UHRF2: variants seen among roughly 807,000 people sequenced by gnomAD.
UHRF2 encodes ubiquitin like with PHD and ring finger domains 2.
Under a neutral mutation model 96.8 loss-of-function variants are expected in UHRF2, and 23 were observed. The observed-to-expected ratio is 0.24, with a 90% confidence interval of 0.17 to 0.34. The LOEUF is 0.34. UHRF2 is among the 10% of genes least tolerant of loss of function. The pLI is 1.00. For missense variants in UHRF2, 685 were observed against 981.5 expected, an observed-to-expected ratio of 0.70 and a Z score of 4.04; for synonymous variants, 385 against 332.6, an observed-to-expected ratio of 1.16 and a Z score of -1.72.
At chr9:6,435,819 C>A (rs4742204) in intron 3 of UHRF2, among the ~76,000 whole-genome samples, 1 of 151,808 alleles carries the variant, frequency 6.6e-6, no homozygotes, top group Admixed American at 6.6e-5. Flanking sequence ...ATGTTGGCCA[C>A]GGTGGTCTCG....
In UHRF2 at chr9:6,466,899, T is replaced by G. The variant is rs191242447; in HGVS notation, c.863+6108T>G. 1.2e-3 allele frequency among the ~76,000 whole-genome samples: 184 copies of G among 152,354 alleles called. 1 individual carries two copies. The highest frequency in any genetic ancestry group is 3.8e-4 in the Non-Finnish European group (26 of 68,032). ...TCAAAAGTATCTTCAGAGTTACCTT[T>G]CTTAATCACCCTTTTTAAAATCACA... On this transcript the variant is annotated intron_variant, in intron 4 of 15. Coordinates refer to ENST00000276893, the MANE Select transcript of UHRF2 (RefSeq NM_152896.3).
At chr9:6,496,394 C>T (rs1172754993) in intron 10 of UHRF2, 1 of 152,130 alleles carries the variant, frequency 6.6e-6, no homozygotes, top group Non-Finnish European at 1.5e-5. Flanking sequence ...GATTTTGGTA[C>T]AACTAGGTTC....
intron 3 of UHRF2, among the ~76,000 whole-genome samples, chr9:6,447,900 T>A (rs1195513102): frequency 6.6e-6 from 1 of 152,198 alleles, no homozygotes; most frequent in Non-Finnish European, 1.5e-5. Flanking sequence ...CACTAGGTAG[T>A]TTGGAGGAAG....
At chr9:6,476,996 C>A (rs1379445922) in intron 5 of UHRF2, among the ~76,000 whole-genome samples, 1 of 152,058 alleles carries the variant, frequency 6.6e-6, no homozygotes, top group East Asian at 1.9e-4. Flanking sequence ...TTTGGGAGGC[C>A]AAGGTTGGTG....
intron 3 of UHRF2, among the ~76,000 whole-genome samples, chr9:6,460,072 C>G (rs1443849435): frequency 6.6e-6 from 1 of 152,172 alleles, no homozygotes; most frequent in Non-Finnish European, 1.5e-5. Flanking sequence ...CAATGAACGT[C>G]TTAATAAGAC....
At chr9:6,472,156 G>A (rs1269963957) in intron 4 of UHRF2, among the ~76,000 whole-genome samples, 1 of 152,072 alleles carries the variant, frequency 6.6e-6, no homozygotes, top group Non-Finnish European at 1.5e-5. Flanking sequence ...CTGTAGCATT[G>A]GTCCCAGACC....
intron 2 of UHRF2, among the ~76,000 whole-genome samples, chr9:6,432,232 C>T (rs1820598149): frequency 6.6e-6 from 1 of 152,100 alleles, no homozygotes; most frequent in South Asian, 2.1e-4. Flanking sequence ...AACTTTATGT[C>T]TTTCAAGCTA....
chr9:6,441,669 A>T (rs917517714), intron 3 of UHRF2, among the ~76,000 whole-genome samples: 4 of 151,854 alleles, frequency 2.6e-5, no homozygotes, highest in African/African-American at 9.7e-5. Flanking sequence ...ACCAAAGATG[A>T]TATGCAATAC....
At chr9:6,472,384 AG>A (rs562989407) in intron 4 of UHRF2, among the ~76,000 whole-genome samples, 56 of 152,384 alleles carry the variant, frequency 3.7e-4, no homozygotes, top group African/African-American at 1.1e-3. Flanking sequence ...CATGCTTACA[AG>A]GAAAACATTC....
chr9:6,486,519 A>G (rs1312070916), intron 8 of UHRF2, among the ~76,000 whole-genome samples: 1 of 152,248 alleles, frequency 6.6e-6, no homozygotes, highest in Non-Finnish European at 1.5e-5. Context: ...TCCAATAGAC[A>G]TAAGATGATT....
At position 6,421,110 on chromosome 9, in the gene UHRF2, C is replaced by G. The variant is rs745801510; in HGVS notation, c.352C>G (p.Arg118Gly). 16 of 1,613,798 alleles carry G rather than the reference C, an allele frequency of 9.9e-6. No homozygotes were observed. In the Middle Eastern group the frequency reaches 4.9e-4, roughly 50 times the overall value. The change falls in exon 2 of 16, where the codon CGT (arginine) becomes GGT (glycine). Residue 118 changes from arginine (R) to glycine (G), a missense_variant. Physicochemically the swap from Arg to Gly is moderately radical, Grantham distance 125 (BLOSUM62 -2). Around this residue, in one of 6 missense-constraint regions of UHRF2, gnomAD observed 391 missense variants for 437.0 expected, o/e 0.89. Coordinates refer to ENST00000276893, the MANE Select transcript of UHRF2 (RefSeq NM_152896.3). ...SNQPSTSARARLIDPGFGIYK... is the reference protein window; with the variant it reads ...SNQPSTSARAGLIDPGFGIYK... ...TCAGCCATCTACATCAGCTCGTGCC[C>G]GTCTTATTGATCCTGGCTTTGGAAT... is the stretch of plus-strand genomic sequence containing the variant.
chr9:6,451,178 C>T (rs746572255), intron 3 of UHRF2, among the ~76,000 whole-genome samples: 18 of 151,772 alleles, frequency 1.2e-4, no homozygotes, highest in East Asian at 1.9e-4. Flanking sequence ...TGAAAAGTTA[C>T]GTGTTTTTTT....
chr9:6,481,908 G>C, intron 7 of UHRF2, 84 bp from the exon 8 acceptor site: 1 of 1,549,028 alleles, frequency 6.5e-7, no homozygotes, highest in East Asian at 2.3e-5. Flanking sequence ...TAAACAGTTG[G>C]GTTCCTAGTC....
intron 3 of UHRF2, among the ~76,000 whole-genome samples, chr9:6,450,244 A>G (rs1821774145): frequency 6.6e-6 from 1 of 152,222 alleles, no homozygotes; most frequent in Admixed American, 6.5e-5. Context: ...ATAAGGATCA[A>G]AAACAAACCC....
At chr9:6,487,548 G>A (rs1389247032) in intron 9 of UHRF2, among the ~76,000 whole-genome samples, 1 of 152,166 alleles carries the variant, frequency 6.6e-6, no homozygotes, top group Non-Finnish European at 1.5e-5. Flanking sequence ...TGTATTTTTA[G>A]TAGAAATGGG....
chr9:6,417,896 T>G (rs895328058), intron 1 of UHRF2, among the ~76,000 whole-genome samples: 8 of 152,208 alleles, frequency 5.3e-5, no homozygotes, highest in African/African-American at 1.4e-4. Context: ...AGAAATACCC[T>G]CAACGTCACT....
chr9:6,418,587 A>G (rs2130712411), intron 1 of UHRF2, among the ~76,000 whole-genome samples: 1 of 152,330 alleles, frequency 6.6e-6, no homozygotes, highest in South Asian at 2.1e-4. Flanking sequence ...CTTCTCAAAT[A>G]TGATGTTACT....
chr9:6,447,317 T>C (rs925487136), intron 3 of UHRF2, among the ~76,000 whole-genome samples: 14 of 152,236 alleles, frequency 9.2e-5, no homozygotes, highest in African/African-American at 3.4e-4. Flanking sequence ...GTTTAGTAAG[T>C]TGGACATGTT....
chr9:6,497,659 A>T (rs989388311), intron 11 of UHRF2, among the ~76,000 whole-genome samples: 1 of 152,086 alleles, frequency 6.6e-6, no homozygotes. Flanking sequence ...TGATTTTTAT[A>T]TATCTTTTTG....
Sources: allele counts gnomAD v4.1 joint callset (sites outside exome capture counted in the v4.1 genomes callset), GRCh38; gene constraint gnomAD v4.1.1; regional missense constraint gnomAD v4.1.1; transcripts MANE v1.5; gene names NCBI Gene and HGNC (gene_info 2026-07-23, HGNC 2026-07-21).